The following LASP1 variants were observed in gnomAD, a reference collection of about 807,000 sequenced individuals.
LASP1 encodes LIM and SH3 domain protein 1.
LASP1 carries 10 observed loss-of-function variants against 38.6 expected under a neutral mutation model. The observed-to-expected ratio is 0.26, with a 90% confidence interval of 0.16 to 0.44. LASP1 has a LOEUF of 0.44. Ranked by LOEUF, LASP1 falls within the 20% of genes least tolerant of loss-of-function variation. LASP1 has a pLI of 1.00. For missense variants in LASP1, 243 were observed against 375.7 expected (o/e 0.65, Z 2.92); for synonymous variants, 132 against 140.8 (o/e 0.94, Z 0.44).
chr17:38,870,076 G>A lies in LASP1; in HGVS notation c.-114G>A. 1 of 1,143,122 alleles carries A rather than the reference G, an allele frequency of 8.7e-7. No homozygotes were observed. The highest frequency in any genetic ancestry group is 2.5e-5 in the East Asian group (1 of 40,016). 70.8% of individuals were successfully genotyped at this position (1,143,122 alleles called of 1,614,324 possible). ...GGCGGAGGCCAGTTCCCCAGCTCCA[G>A]CCGCCGTCGCTGCTGCCTGTGTAGT... On this transcript the variant is annotated 5_prime_UTR_variant, in exon 1 of 7. Transcript: ENST00000318008.
intron 4 of LASP1, among the ~76,000 whole-genome samples, chr17:38,899,766 A>C (rs1333329545): frequency 1.1e-5 from 1 of 88,776 alleles, no homozygotes; most frequent in Non-Finnish European, 2.5e-5. Context: ...TTTTTTTGAG[A>C]CAGAGTCTCA....
At chr17:38,881,948 C>T (rs1913964426) in intron 2 of LASP1, among the ~76,000 whole-genome samples, 2 of 152,224 alleles carry the variant, frequency 1.3e-5, no homozygotes, top group South Asian at 2.1e-4. Flanking sequence ...CTGTTTCTGT[C>T]CTTGCATCAG....
chr17:38,917,347 G>GT (rs1247124832), intron 6 of LASP1, among the ~76,000 whole-genome samples: 1 of 152,186 alleles, frequency 6.6e-6, no homozygotes, highest in African/African-American at 2.4e-5. Context: ...GTCAAGGGCA[G>GT]TGAAGGTCAG....
At chr17:38,899,815 C>T (rs1914590916) in intron 4 of LASP1, among the ~76,000 whole-genome samples, 1 of 146,406 alleles carries the variant, frequency 6.8e-6, no homozygotes, top group Non-Finnish European at 1.5e-5. Context: ...TGCTCCGCCT[C>T]CAGGGTTCAA....
chr17:38,901,787 A>G lies in LASP1; in HGVS notation c.357+3268A>G, dbSNP rs146209808. On this transcript the variant is annotated intron_variant, in intron 4 of 6. Transcript: ENST00000318008. ...TTATTTTTATTTTTATTTTTTTGAG[A>G]CGGAGCCTTGGTTTATCACCCAGGC... Among the ~76,000 whole-genome samples, 219 of 151,962 alleles carry G rather than the reference A, an allele frequency of 1.4e-3. 8 individuals are homozygous for G. The East Asian group carries it at 0.036, about 25-fold the overall frequency.
rs1913619755 is a variant in LASP1 at position 38,871,857 on chromosome 17, T to C, written c.69+1599T>C. On this transcript the variant is annotated intron_variant, in intron 1 of 6. Coordinates refer to ENST00000318008, the MANE Select transcript of LASP1 (RefSeq NM_006148.4). ...CTCCCCATGACCATGCCAGCCGCTG[T>C]TGGGCAGGACTTGAGCTTAGAGCTA... is the stretch of plus-strand genomic sequence containing the variant. 2.0e-5 allele frequency among the ~76,000 whole-genome samples: 3 copies of C among 152,106 alleles called. No individual in the cohort carries two copies. The South Asian group carries it at 6.2e-4, about 31-fold the overall frequency.
At chr17:38,913,411 A>T (rs1915011627) in intron 4 of LASP1, among the ~76,000 whole-genome samples, 1 of 152,204 alleles carries the variant, frequency 6.6e-6, no homozygotes, top group Non-Finnish European at 1.5e-5. Flanking sequence ...CCTAGGCTGT[A>T]GTACCCACGA....
chr17:38,872,845 AACCTTGTC>A (rs1363749338), intron 1 of LASP1, among the ~76,000 whole-genome samples: 2 of 152,022 alleles, frequency 1.3e-5, no homozygotes, highest in Admixed American at 1.3e-4. Flanking sequence ...GGTGGGTAAA[AACCTTGTC>A]ACCTCTGAAG....
intron 4 of LASP1, among the ~76,000 whole-genome samples, chr17:38,900,895 A>G (rs1006226192): frequency 5.9e-5 from 9 of 152,066 alleles, no homozygotes; most frequent in Non-Finnish European, 8.8e-5. Context: ...CACGCCCTGG[A>G]GCTTCCCTTT....
intron 4 of LASP1, among the ~76,000 whole-genome samples, chr17:38,903,025 C>T (rs1165358227): frequency 6.6e-6 from 1 of 152,074 alleles, no homozygotes; most frequent in East Asian, 1.9e-4. Flanking sequence ...TTCTAAAGGT[C>T]AGGCCATCTT....
intron 3 of LASP1, among the ~76,000 whole-genome samples, chr17:38,893,868 C>T (rs1394985781): frequency 6.6e-6 from 1 of 152,188 alleles, no homozygotes; most frequent in Non-Finnish European, 1.5e-5. Context: ...GAAGGGGGAG[C>T]CTCTTCTGCT....
chr17:38,916,053 C>A (rs1915112537), intron 6 of LASP1: 1 of 152,300 alleles, frequency 6.6e-6, no homozygotes, highest in Non-Finnish European at 1.5e-5. Context: ...TTCCAGGCAG[C>A]CCAGCCAGTC....
chr17:38,909,226 T>G (rs1028975270), intron 4 of LASP1, among the ~76,000 whole-genome samples: 3 of 152,130 alleles, frequency 2.0e-5, no homozygotes, highest in African/African-American at 7.2e-5. Flanking sequence ...TATGTCCCGC[T>G]TCCTCCCCCA....
intron 2 of LASP1, among the ~76,000 whole-genome samples, chr17:38,882,353 T>C (rs1417577038): frequency 6.6e-6 from 1 of 152,208 alleles, no homozygotes; most frequent in Non-Finnish European, 1.5e-5. Flanking sequence ...GTTCAAGCGA[T>C]TCTCCTGCCT....
chr17:38,880,271 A>G (rs1253174194), intron 2 of LASP1, among the ~76,000 whole-genome samples: 1 of 152,224 alleles, frequency 6.6e-6, no homozygotes, highest in Non-Finnish European at 1.5e-5. Flanking sequence ...AGCTGGAGAA[A>G]AATCAGAGGC....
At chr17:38,915,273 G>A in intron 6 of LASP1, 127 bp downstream of exon 6, 1 of 753,476 alleles carries the variant, frequency 1.3e-6, no homozygotes, top group Non-Finnish European at 2.1e-6. Context: ...AAGGATCTCA[G>A]CCTTGTGAGC....
rs1219560733 is a variant in LASP1, at chr17:38,878,173, T to A, written c.157T>A (p.Cys53Ser). 6.2e-7 allele frequency: 1 copy of A among 1,612,164 alleles called. No homozygotes were observed. The part of the protein sequence containing the change: ...NYKGYEKKPY[C>S]NAHYPKQSFT... ...CAAGGGCTACGAGAAGAAGCCCTAC[T>A]GCAACGCGTGAGTCCTGTTCTGGGC... is the stretch of plus-strand genomic sequence containing the variant. The change falls in exon 2 of 7, where the codon TGC (cysteine) becomes AGC (serine). Residue 53 changes from cysteine to serine, a missense_variant. Cys to Ser is a moderately radical substitution (Grantham distance 112). This residue lies in a region of LASP1 where 43 missense variants were observed against 108.3 expected (regional missense o/e 0.40). Coordinates refer to ENST00000318008, the MANE Select transcript of LASP1 (RefSeq NM_006148.4).
chr17:38,897,968 T>A (rs544541481), intron 3 of LASP1, among the ~76,000 whole-genome samples: 167 of 152,230 alleles, frequency 1.1e-3, no homozygotes, highest in Admixed American at 1.8e-3. Flanking sequence ...CCTATAAGCT[T>A]CCAGACAGGA....
rs1172363442 is a variant in LASP1 at position 38,921,029 on chromosome 17, C to G, written c.*2251C>G. On this transcript the variant is annotated 3_prime_UTR_variant, in exon 7 of 7. Transcript: ENST00000318008. ...CAGTCATGGAATCTTGCTGCAGGCC[C>G]TCCCTCTACTCTTCCTGTCCTAAAA... 8.6e-6 allele frequency: 2 copies of G among 231,616 alleles called. No homozygotes were observed. Among genetic ancestry groups the G allele is most frequent in the Non-Finnish European group, 1.7e-5 (2 of 116,916 alleles). The allele number at this position is 231,616 out of a possible 1,614,324, so 14.3% of individuals were successfully genotyped here.
Sources: allele counts gnomAD v4.1 joint callset (sites outside exome capture counted in the v4.1 genomes callset), GRCh38; gene constraint gnomAD v4.1.1; regional missense constraint gnomAD v4.1.1; transcripts MANE v1.5; gene names NCBI Gene and HGNC (gene_info 2026-07-23, HGNC 2026-07-21).